The following TMEM230 variants were observed in gnomAD, a reference collection of about 807,000 sequenced individuals.
TMEM230 encodes the protein UPF0414 transmembrane protein C20orf30.
Under a neutral mutation model 15.8 loss-of-function variants are expected in TMEM230, and 10 were observed. The observed-to-expected ratio is 0.63, with a 90% CI of 0.39 to 1.07. The LOEUF (loss-of-function observed/expected upper bound fraction) is 1.07. Among genes scored for constraint, TMEM230 ranks in the 50% least tolerant of loss-of-function variants. TMEM230 has a pLI of 0.01. For missense variants in TMEM230, 165 were observed against 193.3 expected (o/e 0.85, Z 0.87); for synonymous variants, 67 against 76.9 (o/e 0.87, Z 0.68).
chr20:5,069,205 C>A (rs553953692), exon 4 of TMEM230: 10 of 1,534,474 alleles, frequency 6.5e-6, no homozygotes, highest in African/African-American at 2.7e-5. Flanking sequence ...GGTGATGACA[C>A]CTGTGTTCCT....
chr20:5,110,518 CAA>C lies in TMEM230; in HGVS notation c.174+980_174+981del, dbSNP rs1223838666. ...CAGGCTGGTCTCGAACTTCTGACCT[CAA>C]GTGTTCTGCCCAACTCAGCCTTCCA... On this transcript the variant is annotated intron_variant, in intron 2 of 4. Coordinates refer to ENST00000342308, the MANE Select transcript of TMEM230 (RefSeq NM_001009923.2). Among the ~76,000 whole-genome samples, 5 of 152,110 alleles carry C rather than the reference CAA, an allele frequency of 3.3e-5. No homozygotes were observed. The East Asian group carries it at 9.6e-4, about 29-fold the overall frequency.
downstream of TMEM230, among the ~76,000 whole-genome samples, chr20:5,099,472 GT>G (rs5840075): frequency 0.057 from 8,211 of 145,182 alleles, 571 homozygotes; most frequent in African/African-American, 0.16. Context: ...CACTTCCTGA[GT>G]TTTTTTTTTT....
chr20:5,076,392 T>C (rs2088995860), intron 3 of TMEM230, among the ~76,000 whole-genome samples: 1 of 151,696 alleles, frequency 6.6e-6, no homozygotes, highest in Non-Finnish European at 1.5e-5. Flanking sequence ...ATACAAAAAA[T>C]TACCCAGGCA....
downstream of TMEM230, among the ~76,000 whole-genome samples, chr20:5,097,321 G>A (rs1452489927): frequency 2.6e-5 from 4 of 152,194 alleles, no homozygotes; most frequent in Non-Finnish European, 5.9e-5. Context: ...CAACGGATCT[G>A]AAATTTCCAT....
chr20:5,086,270 G>A (rs1292486555), intron 3 of TMEM230, among the ~76,000 whole-genome samples: 2 of 150,220 alleles, frequency 1.3e-5, no homozygotes, highest in African/African-American at 2.4e-5. Flanking sequence ...AGCCACGGTG[G>A]CTCACGCCTG....
chr20:5,084,063 G>A (rs1030602737), intron 3 of TMEM230, among the ~76,000 whole-genome samples: 3 of 152,022 alleles, frequency 2.0e-5, no homozygotes, highest in Non-Finnish European at 2.9e-5. Flanking sequence ...TTGTACCCAC[G>A]TGTGCTGAAG....
chr20:5,069,358 G>A (rs1302638374), intron 3 of TMEM230: 41 of 1,525,144 alleles, frequency 2.7e-5, no homozygotes, highest in Non-Finnish European at 3.6e-5. Context: ...CTCTGAGAAA[G>A]AAACACCCCT....
At chr20:5,103,545 C>T (rs2089952509) in intron 4 of TMEM230, among the ~76,000 whole-genome samples, 1 of 151,366 alleles carries the variant, frequency 6.6e-6, no homozygotes, top group Non-Finnish European at 1.5e-5. Flanking sequence ...TGCCTGTGGT[C>T]CCAGTTATTT....
the TMEM230 span, among the ~76,000 whole-genome samples, chr20:5,062,478 G>T: frequency 6.6e-6 from 1 of 151,754 alleles, no homozygotes; most frequent in African/African-American, 2.4e-5. Flanking sequence ...GTCCTAGGTC[G>T]AGCACAGTGG....
intron 3 of TMEM230, among the ~76,000 whole-genome samples, chr20:5,094,089 G>C: frequency 6.6e-6 from 1 of 151,840 alleles, no homozygotes; most frequent in East Asian, 2.0e-4. Flanking sequence ...CTCCTGAGTA[G>C]CTGGGATTAC....
chr20:5,083,239 A>T (rs1351189059), intron 3 of TMEM230, among the ~76,000 whole-genome samples: 1 of 147,466 alleles, frequency 6.8e-6, no homozygotes, highest in African/African-American at 2.5e-5. Context: ...AATTCTTCAT[A>T]TACTTGATGA....
At chr20:5,062,912 A>G in the TMEM230 span, among the ~76,000 whole-genome samples, 55 of 152,316 alleles carry the variant, frequency 3.6e-4, no homozygotes, top group African/African-American at 1.3e-3. Context: ...TGAAGAAGAC[A>G]ATACTAGCTT....
intron 3 of TMEM230, among the ~76,000 whole-genome samples, chr20:5,086,477 T>G (rs1313484797): frequency 7.1e-6 from 1 of 141,778 alleles, no homozygotes; most frequent in Non-Finnish European, 1.5e-5. Context: ...AGGCGCAGCT[T>G]GCAGTAAGAC....
At chr20:5,063,585 G>T (rs146478979), downstream of TMEM230, among the ~76,000 whole-genome samples, 13 of 151,998 alleles carry the variant, frequency 8.6e-5, no homozygotes, top group African/African-American at 3.1e-4. Context: ...CACCATGGCC[G>T]GCCTGCTATG....
chr20:5,079,703 T>C (rs1202670837), intron 3 of TMEM230, among the ~76,000 whole-genome samples: 1 of 152,068 alleles, frequency 6.6e-6, no homozygotes, highest in Non-Finnish European at 1.5e-5. Context: ...CGACTGAAAT[T>C]CACTGAAATT....
At chr20:5,088,969 T>G (rs1399645282) in intron 3 of TMEM230, among the ~76,000 whole-genome samples, 1 of 152,244 alleles carries the variant, frequency 6.6e-6, no homozygotes, top group Non-Finnish European at 1.5e-5. Flanking sequence ...GCTGTGCTGA[T>G]AAGTGACTAT....
At chr20:5,087,570 C>CT (rs1237349533) in intron 3 of TMEM230, among the ~76,000 whole-genome samples, 3 of 151,452 alleles carry the variant, frequency 2.0e-5, no homozygotes, top group Non-Finnish European at 2.9e-5. Context: ...TCTACAACCT[C>CT]TACCTCCTCT....
Position 5,100,775 on chromosome 20 carries a change from A to C in TMEM230, c.*16T>G, listed in dbSNP as rs2089822743. 1 of 1,612,276 alleles carries C rather than the reference A, an allele frequency of 6.2e-7. No homozygotes were observed. Among genetic ancestry groups the C allele is most frequent in the African/African-American group, 1.3e-5 (1 of 74,832 alleles). On this transcript the variant is annotated 3_prime_UTR_variant, in exon 5 of 5. Coordinates refer to ENST00000342308, the MANE Select transcript of TMEM230 (RefSeq NM_001009923.2). ...GACAGTTCCACTGTGACTCCTCCTC[A>C]GCTATGGGGTGGGTGCTAGTCATCA...
At chr20:5,092,865 T>C (rs542826916) in intron 3 of TMEM230, among the ~76,000 whole-genome samples, 10 of 152,352 alleles carry the variant, frequency 6.6e-5, no homozygotes, top group Non-Finnish European at 1.5e-5. Context: ...TGTACTTTGA[T>C]GTACCTTGGA....
Sources: allele counts gnomAD v4.1 joint callset (sites outside exome capture counted in the v4.1 genomes callset), GRCh38; gene constraint gnomAD v4.1.1; transcripts MANE v1.5; gene names NCBI Gene and HGNC (gene_info 2026-07-23, HGNC 2026-07-21).